TRAIP: variants seen among roughly 807,000 people sequenced by gnomAD.
The protein encoded by TRAIP is E3 ubiquitin-protein ligase TRAIP.
A neutral mutation model predicts 65.0 loss-of-function variants in TRAIP; 37 were observed. That is an observed-to-expected ratio of 0.57 (90% CI 0.44 to 0.75). The LOEUF (loss-of-function observed/expected upper bound fraction) is 0.75. TRAIP is among the 30% of genes least tolerant of loss of function. TRAIP has a pLI of 0.00. For synonymous variants in TRAIP, 187 were observed against 219.1 expected (o/e 0.85, Z 1.29); for missense variants, 481 against 579.4 (o/e 0.83, Z 1.74).
chr3:49,846,117 C>T (rs2081880024), intron 3 of TRAIP, among the ~76,000 whole-genome samples: 2 of 152,200 alleles, frequency 1.3e-5, no homozygotes, highest in Admixed American at 6.5e-5. Flanking sequence ...TACCCACTTT[C>T]CCCTAATATA....
intron 8 of TRAIP, 26 bp from the exon 9 acceptor site, chr3:49,840,399 GAC>G (rs1408743349): frequency 6.2e-7 from 1 of 1,601,856 alleles, no homozygotes; most frequent in Non-Finnish European, 8.6e-7. Flanking sequence ...GGGAATGAAA[GAC>G]AAGCCAAGTG....
intron 2 of TRAIP, 93 bp downstream of exon 2, chr3:49,848,050 C>A: frequency 1.4e-6 from 2 of 1,456,078 alleles, no homozygotes; most frequent in Non-Finnish European, 1.9e-6. Flanking sequence ...CAAAAAAGGT[C>A]AGAGATATTG....
At chr3:49,832,278 G>T (rs2081740855) in intron 10 of TRAIP, among the ~76,000 whole-genome samples, 1 of 152,066 alleles carries the variant, frequency 6.6e-6, no homozygotes, top group Non-Finnish European at 1.5e-5. Flanking sequence ...GGATCAAGCG[G>T]TCAAGAGATC....
At chr3:49,847,778 G>C (rs900823898) in intron 2 of TRAIP, among the ~76,000 whole-genome samples, 170 bp from the exon 3 acceptor site, 1 of 152,178 alleles carries the variant, frequency 6.6e-6, no homozygotes, top group Non-Finnish European at 1.5e-5. Context: ...TACTCCTGCA[G>C]GTACCCCAAG....
At chr3:49,830,123 G>T in intron 11 of TRAIP, 55 bp from the exon 12 acceptor site, 1 of 1,590,778 alleles carries the variant, frequency 6.3e-7, no homozygotes, top group South Asian at 1.1e-5. Flanking sequence ...GGGGGCAGGT[G>T]AACCAGGCTC....
In TRAIP at chr3:49,832,012, A is replaced by G. The variant is rs766587393; in HGVS notation, c.941T>C (p.Ile314Thr). 1 of 1,607,322 alleles carries G rather than the reference A, an allele frequency of 6.2e-7. No individual in the cohort carries two copies. The highest frequency in any genetic ancestry group is 8.5e-7 in the Non-Finnish European group (1 of 1,176,868). ...CACATCAAAGGTAGCATTGAGATCAATATCATCACGGAAGGATGGCCGGCG... is the reference window on the plus strand; with the variant it reads ...CACATCAAAGGTAGCATTGAGATCAGTATCATCACGGAAGGATGGCCGGCG... ...KLRRPSFRDD[I>T]DLNATFDVDT... Residue 314 changes from isoleucine (I) to threonine (T), a missense_variant, in exon 11 of 15, where the codon ATT (isoleucine) becomes ACT (threonine). Coordinates refer to ENST00000331456, the MANE Select transcript of TRAIP (RefSeq NM_005879.3).
intron 10 of TRAIP, 136 bp from the exon 11 acceptor site, chr3:49,832,204 T>G (rs2081740346): frequency 9.9e-7 from 1 of 1,008,662 alleles, no homozygotes; most frequent in Non-Finnish European, 1.3e-6. Flanking sequence ...AAGAGAGCCC[T>G]ACTCTCGGCC....
chr3:49,842,669 T>G (rs1365848301), intron 5 of TRAIP, 122 bp from the exon 6 acceptor site: 2 of 886,220 alleles, frequency 2.3e-6, no homozygotes, highest in African/African-American at 3.3e-5. Context: ...CTGATAACCA[T>G]GTACTCCCAA....
chr3:49,839,716 G>A lies in TRAIP; in HGVS notation c.884+56C>T. The A allele has an allele frequency of 4.0e-6, 6 of 1,509,084 alleles. No homozygotes were observed. The South Asian group carries it at 6.7e-5, about 17-fold the overall frequency. 93.5% of individuals were successfully genotyped at this position (1,509,084 alleles called of 1,614,324 possible). A position where few individuals can be genotyped will look rare whatever the true frequency, so the allele number is the denominator to read the frequency against. Reference sequence around the variant, plus strand: ...ACCAAAGCCAGGAGGAGTAAAGACTGTTACCAGAAAGCTCTCCCACCTTGT... The same window carrying A: ...ACCAAAGCCAGGAGGAGTAAAGACTATTACCAGAAAGCTCTCCCACCTTGT... On this transcript the variant is annotated intron_variant, in intron 10 of 14. Transcript: ENST00000331456.
In TRAIP at chr3:49,844,572, C is replaced by T. The variant is rs757829904; in HGVS notation, c.249G>A (p.Leu83=). The change falls in exon 4 of 15, where the codon CTG becomes CTA. Residue 83 remains leucine (L), a synonymous_variant. Transcript: ENST00000331456. The part of the protein sequence containing the change: ...VLDAEFLKNE[L]DNVRAQLSQK... ...GGGAAAGCTGGGCTCTGACATTGTC[C>T]AGTTCATTCTGAAAGGCAATACCCA... The T allele has an allele frequency of 6.2e-7, 1 of 1,613,998 alleles. No homozygotes were observed. Among genetic ancestry groups the T allele is most frequent in the Non-Finnish European group, 8.5e-7 (1 of 1,179,994 alleles).
At chr3:49,836,585 C>T (rs778045792) in intron 10 of TRAIP, among the ~76,000 whole-genome samples, 9 of 152,176 alleles carry the variant, frequency 5.9e-5, no homozygotes, top group Admixed American at 1.3e-4. Context: ...TAACCCAGCA[C>T]TTTGGGAAGC....
chr3:49,849,568 T>C (rs2081913685), intron 1 of TRAIP, among the ~76,000 whole-genome samples: 1 of 151,676 alleles, frequency 6.6e-6, no homozygotes, highest in Non-Finnish European at 1.5e-5. Context: ...GAGATTGCAG[T>C]GAGCTGAGAT....
intron 4 of TRAIP, 80 bp from the exon 5 acceptor site, chr3:49,844,008 T>C (rs982484626): frequency 3.3e-5 from 50 of 1,522,436 alleles, no homozygotes; most frequent in Middle Eastern, 1.8e-4. Flanking sequence ...TTGGATTCAG[T>C]GCCTCATCCC....
At position 49,843,910 on chromosome 3, in the gene TRAIP, C is replaced by A; in HGVS notation, c.299G>T (p.Ser100Ile). Residue 100 changes from serine to isoleucine, a missense_variant, in exon 5 of 15, where the codon AGC becomes ATC. Transcript: ENST00000331456. Reference sequence around the variant, plus strand: ...CCGCAGAGTGTCGATGATGACCTGGCTGTCTCGTTTCTCCTTGTCTGGAGC... The same window carrying A: ...CCGCAGAGTGTCGATGATGACCTGGATGTCTCGTTTCTCCTTGTCTGGAGC... ...LSQKDKEKRD[S>I]QVIIDTLRDT... The A allele has an allele frequency of 6.2e-7, 1 of 1,610,182 alleles. No individual in the cohort carries two copies. Among genetic ancestry groups the A allele is most frequent in the African/African-American group, 1.3e-5 (1 of 74,992 alleles).
At chr3:49,854,899 A>G (rs1035308885) in intron 1 of TRAIP, among the ~76,000 whole-genome samples, 1 of 151,406 alleles carries the variant, frequency 6.6e-6, no homozygotes, top group Non-Finnish European at 1.5e-5. Context: ...TCTACTAAAA[A>G]TACAAAAAAA....
Position 49,829,225 on chromosome 3 carries a change from T to C in TRAIP, c.1288A>G (p.Thr430Ala), listed in dbSNP as rs753393854. Residue 430 changes from threonine to alanine, a missense_variant and splice_region_variant, in exon 15 of 15, where the codon ACT becomes GCT. Physicochemically the swap from Thr to Ala is moderately conservative, Grantham distance 58 (BLOSUM62 0). Transcript: ENST00000331456. ...AATGGGCGGATCATGACTGTGTCAGTCTGGAGGAGCTGTCAAGGAAGAGGC... is the reference window on the plus strand; with the variant it reads ...AATGGGCGGATCATGACTGTGTCAGCCTGGAGGAGCTGTCAAGGAAGAGGC... ...LGGRTKFIQPTDTVMIRPLPV... is the reference protein window; with the variant it reads ...LGGRTKFIQPADTVMIRPLPV... The C allele has an allele frequency of 1.2e-6, 2 of 1,614,132 alleles. No homozygotes were observed. The highest frequency in any genetic ancestry group is 2.2e-5 in the South Asian group (2 of 91,078).
intron 1 of TRAIP, among the ~76,000 whole-genome samples, 192 bp from the exon 2 acceptor site, chr3:49,848,392 A>G (rs1460246885): frequency 6.6e-6 from 1 of 152,208 alleles, no homozygotes; most frequent in Non-Finnish European, 1.5e-5. Context: ...GACTCCAACC[A>G]GCTGGCCCTT....
intron 4 of TRAIP, 98 bp from the exon 5 acceptor site, chr3:49,844,026 G>A (rs1174476783): frequency 6.8e-7 from 1 of 1,463,862 alleles, no homozygotes; most frequent in Non-Finnish European, 9.2e-7. Flanking sequence ...CCCTTAGGCA[G>A]GTGAGAAACA....
At chr3:49,839,922 C>G (rs2081824001) in intron 9 of TRAIP, 62 bp from the exon 10 acceptor site, 1 of 1,519,504 alleles carries the variant, frequency 6.6e-7, no homozygotes. Flanking sequence ...GGAGATAATG[C>G]AGAGGACATG....
Sources: gnomAD v4.1 joint callset for allele counts (sites outside exome capture counted in the v4.1 genomes callset) on GRCh38, gnomAD v4.1.1 for gene constraint, MANE v1.5 for transcripts, NCBI Gene and HGNC (gene_info 2026-07-23, HGNC 2026-07-21) for gene names.